The following CNTN5 variants were observed in gnomAD, a reference collection of about 807,000 sequenced individuals.
CNTN5 encodes contactin-5.
In CNTN5, 77 loss-of-function variants were observed where a neutral mutation model predicts 129.1. That is an observed-to-expected ratio of 0.60 (90% CI 0.50 to 0.72). The LOEUF (loss-of-function observed/expected upper bound fraction) is 0.72, where lower values mean the gene tolerates loss of function less well. Ranked by LOEUF, CNTN5 falls within the 30% of genes least tolerant of loss-of-function variation. The pLI is 0.00. For missense variants in CNTN5, 1,478 were observed against 1,328.8 expected, an observed-to-expected ratio of 1.11 and a Z score of -1.75; for synonymous variants, 509 against 465.6, an observed-to-expected ratio of 1.09 and a Z score of -1.20.
chr11:99,579,626 CTGTT>C (rs1396544222), intron 3 of CNTN5, among the ~76,000 whole-genome samples: 3 of 140,622 alleles, frequency 2.1e-5, no homozygotes, highest in Admixed American at 1.4e-4. Context: ...ATTTGGCTCT[CTGTT>C]TGTCTGTTAT....
chr11:99,051,059 T>C (rs1864408151), intron 1 of CNTN5, among the ~76,000 whole-genome samples: 1 of 151,862 alleles, frequency 6.6e-6, no homozygotes, highest in South Asian at 2.1e-4. Context: ...ATAGCATCAA[T>C]TAACATGGCC....
intron 3 of CNTN5, among the ~76,000 whole-genome samples, chr11:99,655,221 A>C (rs940856100): frequency 6.6e-6 from 1 of 152,104 alleles, no homozygotes; most frequent in Non-Finnish European, 1.5e-5. Context: ...GTATCAAATC[A>C]ATTATTAAAC....
At chr11:99,831,737 G>A (rs988468388) in intron 4 of CNTN5, among the ~76,000 whole-genome samples, 6 of 152,102 alleles carry the variant, frequency 3.9e-5, no homozygotes, top group Non-Finnish European at 5.9e-5. Flanking sequence ...CAATGTGATC[G>A]AGAAGTGGTT....
intron 13 of CNTN5, among the ~76,000 whole-genome samples, chr11:100,082,939 T>C (rs915898904): frequency 1.1e-4 from 17 of 152,030 alleles, no homozygotes; most frequent in African/African-American, 4.1e-4. Flanking sequence ...AGCATCTCCT[T>C]CAAGTGAGGA....
chr11:99,536,854 TA>T (rs5793993), intron 2 of CNTN5, among the ~76,000 whole-genome samples: 4,241 of 140,418 alleles, frequency 0.03, 83 homozygotes, highest in Middle Eastern at 0.093. Flanking sequence ...GTAGTCACAT[TA>T]AAAAAAAAAA....
At chr11:100,191,105 C>T in intron 13 of CNTN5, 21 bp from the exon 14 acceptor site, 1 of 1,464,284 alleles carries the variant, frequency 6.8e-7, no homozygotes, top group Non-Finnish European at 9.2e-7. Flanking sequence ...GAAAAAAAAA[C>T]TGTTTTTAAA....
At chr11:100,037,344 T>C (rs1450292591) in intron 9 of CNTN5, among the ~76,000 whole-genome samples, 1 of 152,004 alleles carries the variant, frequency 6.6e-6, no homozygotes, top group Admixed American at 6.6e-5. Context: ...GATAAGCTTT[T>C]TGATGTGCTG....
chr11:99,289,668 C>T (rs922672415), intron 1 of CNTN5, among the ~76,000 whole-genome samples: 1 of 151,828 alleles, frequency 6.6e-6, no homozygotes, highest in African/African-American at 2.4e-5. Context: ...AGCTTTTAAT[C>T]TTTCAGACCC....
chr11:100,029,873 G>A (rs1335288021), intron 9 of CNTN5, among the ~76,000 whole-genome samples: 5 of 151,998 alleles, frequency 3.3e-5, no homozygotes, highest in African/African-American at 9.7e-5. Context: ...GACCAATACT[G>A]TCTGTTAAAT....
Position 99,127,790 on chromosome 11 carries a change from G to T in CNTN5, c.-210+106520G>T, listed in dbSNP as rs1858719446. 5.3e-5 allele frequency among the ~76,000 whole-genome samples: 8 copies of T among 152,210 alleles called. No homozygotes were observed. In the South Asian group the frequency reaches 1.5e-3, roughly 28 times the overall value. On this transcript the variant is annotated intron_variant, in intron 1 of 24. Transcript: ENST00000524871. The stretch of plus-strand genomic sequence containing the variant: ...TACAAAGCATTCCTTGACCTTTAGG[G>T]CTGTGTGAGGTATTTTGTCCAGTGG...
chr11:99,126,849 A>G (rs974325763), intron 1 of CNTN5, among the ~76,000 whole-genome samples: 2 of 152,032 alleles, frequency 1.3e-5, no homozygotes, highest in African/African-American at 4.8e-5. Context: ...CTTCCACTGG[A>G]TGTCAGTTAA....
At chr11:99,462,360 C>CTTTTTTTTTTTTTTTTTTTT (rs72276833) in intron 2 of CNTN5, among the ~76,000 whole-genome samples, 14 of 125,280 alleles carry the variant, frequency 1.1e-4, no homozygotes, top group South Asian at 2.6e-4. Context: ...CTTTTCTTTT[C>CTTTTTTTTTTTTTTTTTTTT]TTTTTTTTTT....
At chr11:100,294,324 T>C (rs968875445) in intron 18 of CNTN5, among the ~76,000 whole-genome samples, 6 of 151,810 alleles carry the variant, frequency 4.0e-5, no homozygotes, top group African/African-American at 1.4e-4. Context: ...ACTAAGGTAG[T>C]ACACTATATT....
At chr11:100,271,883 G>A (rs1455445037) in intron 18 of CNTN5, among the ~76,000 whole-genome samples, 1 of 152,116 alleles carries the variant, frequency 6.6e-6, no homozygotes, top group East Asian at 1.9e-4. Flanking sequence ...CCTATCACCT[G>A]GAAGGTGCAG....
At chr11:99,995,513 T>TC (rs936630285) in intron 8 of CNTN5, among the ~76,000 whole-genome samples, 4 of 152,204 alleles carry the variant, frequency 2.6e-5, no homozygotes, top group Non-Finnish European at 4.4e-5. Flanking sequence ...GCCCTTTTTT[T>TC]CCCTTTGCAT....
intron 1 of CNTN5, among the ~76,000 whole-genome samples, chr11:99,253,040 T>G (rs1190251047): frequency 6.6e-6 from 1 of 152,004 alleles, no homozygotes; most frequent in Admixed American, 6.6e-5. Flanking sequence ...TGATATGGTT[T>G]GGCTGTGTCC....
At chr11:100,001,925 A>T (rs1405685087) in intron 8 of CNTN5, 109 bp from the exon 9 acceptor site, 1 of 755,998 alleles carries the variant, frequency 1.3e-6, no homozygotes, top group African/African-American at 1.8e-5. Flanking sequence ...ACAGTCATCA[A>T]ACAGACATTA....
At chr11:99,068,232 T>C (rs1290064449) in intron 1 of CNTN5, among the ~76,000 whole-genome samples, 3 of 152,184 alleles carry the variant, frequency 2.0e-5, no homozygotes, top group Non-Finnish European at 4.4e-5. Flanking sequence ...GGGACTAAGC[T>C]ACAAATCTCC....
intron 2 of CNTN5, among the ~76,000 whole-genome samples, chr11:99,473,555 T>A (rs942371801): frequency 6.6e-6 from 1 of 151,284 alleles, no homozygotes; most frequent in African/African-American, 2.4e-5. Flanking sequence ...CTGAAGTGAT[T>A]TTTTTTTTCC....
Sources: allele counts gnomAD v4.1 joint callset (sites outside exome capture counted in the v4.1 genomes callset), GRCh38; gene constraint gnomAD v4.1.1; transcripts MANE v1.5; gene names NCBI Gene and HGNC (gene_info 2026-07-23, HGNC 2026-07-21).